MAGI3: variants seen among roughly 807,000 people sequenced by gnomAD.
The protein encoded by MAGI3 is membrane associated guanylate kinase, WW and PDZ domain containing 3, also known as membrane-associated guanylate kinase, WW and PDZ domain-containing protein 3.
Under a neutral mutation model 121.8 loss-of-function variants are expected in MAGI3, and 43 were observed. The observed-to-expected ratio is 0.35, with a 90% CI of 0.28 to 0.46. MAGI3 has a LOEUF of 0.46. MAGI3 is among the 20% of genes least tolerant of loss of function. MAGI3 has a pLI of 1.00. For missense variants in MAGI3, 1,547 were observed against 1,797.3 expected, an observed-to-expected ratio of 0.86 and a Z score of 2.52; for synonymous variants, 553 against 639.3, an observed-to-expected ratio of 0.86 and a Z score of 2.04.
intron 2 of MAGI3, among the ~76,000 whole-genome samples, chr1:113,554,153 T>C (rs1659893382): frequency 6.6e-6 from 1 of 151,858 alleles, no homozygotes; most frequent in African/African-American, 2.4e-5. Flanking sequence ...AGTCAGCTGA[T>C]AGAAAAAAGA....
chr1:113,443,050 T>C (rs1653996753), intron 1 of MAGI3, among the ~76,000 whole-genome samples: 1 of 152,218 alleles, frequency 6.6e-6, no homozygotes, highest in South Asian at 2.1e-4. Flanking sequence ...CTAATAGTTG[T>C]TGACTTAATG....
intron 2 of MAGI3, among the ~76,000 whole-genome samples, chr1:113,553,253 G>A (rs1441539209): frequency 2.0e-5 from 3 of 152,158 alleles, no homozygotes; most frequent in Admixed American, 6.5e-5. Flanking sequence ...TCCAGGCAGA[G>A]TACAATGGAC....
chr1:113,472,800 A>C (rs908030530), intron 1 of MAGI3, among the ~76,000 whole-genome samples: 1 of 151,812 alleles, frequency 6.6e-6, no homozygotes, highest in Non-Finnish European at 1.5e-5. Flanking sequence ...ATAACAGTCT[A>C]TTTTAAACTG....
intron 16 of MAGI3, among the ~76,000 whole-genome samples, chr1:113,661,886 A>T (rs1338604032): frequency 6.6e-6 from 1 of 152,156 alleles, no homozygotes; most frequent in Non-Finnish European, 1.5e-5. Context: ...TTTTTAAACT[A>T]TGAAAACATC....
chr1:113,441,191 T>C (rs749348756), intron 1 of MAGI3, among the ~76,000 whole-genome samples: 1 of 152,176 alleles, frequency 6.6e-6, no homozygotes, highest in Non-Finnish European at 1.5e-5. Flanking sequence ...TAATATCTCA[T>C]GTTGGGATTT....
chr1:113,535,641 A>C (rs1392450893), intron 1 of MAGI3, among the ~76,000 whole-genome samples: 2 of 152,188 alleles, frequency 1.3e-5, no homozygotes, highest in Non-Finnish European at 2.9e-5. Flanking sequence ...GTTAATAGAT[A>C]TTGCCATAAT....
intron 1 of MAGI3, among the ~76,000 whole-genome samples, chr1:113,470,443 C>T (rs1265427931): frequency 6.6e-6 from 1 of 152,152 alleles, no homozygotes; most frequent in Non-Finnish European, 1.5e-5. Context: ...CAGTTACACA[C>T]AACACTTCAT....
intron 1 of MAGI3, among the ~76,000 whole-genome samples, chr1:113,460,690 T>A (rs543386379): frequency 6.6e-6 from 1 of 152,056 alleles, no homozygotes; most frequent in Non-Finnish European, 1.5e-5. Context: ...GTGCCTATAG[T>A]CCCAGCTACT....
intron 4 of MAGI3, 130 bp from the exon 5 acceptor site, chr1:113,590,354 A>T: frequency 1.2e-6 from 1 of 829,718 alleles, no homozygotes; most frequent in Non-Finnish European, 1.9e-6. Context: ...TTATAGCAGA[A>T]TGTGGACATA....
chr1:113,634,886 CT>C (rs1296647904), intron 9 of MAGI3, among the ~76,000 whole-genome samples: 2 of 151,988 alleles, frequency 1.3e-5, no homozygotes, highest in African/African-American at 4.8e-5. Context: ...TCTTCCATTT[CT>C]TTGTATCCTC....
intron 1 of MAGI3, among the ~76,000 whole-genome samples, chr1:113,493,858 CA>C (rs1400530069): frequency 6.6e-6 from 1 of 151,964 alleles, no homozygotes; most frequent in Non-Finnish European, 1.5e-5. Context: ...ATTAAAAAGT[CA>C]AAAAACAACA....
At chr1:113,412,595 GT>G (rs1201107990) in intron 1 of MAGI3, among the ~76,000 whole-genome samples, 1 of 152,094 alleles carries the variant, frequency 6.6e-6, no homozygotes, top group Non-Finnish European at 1.5e-5. Flanking sequence ...TCTCATTCTG[GT>G]TTTGATTTGC....
Position 113,671,245 on chromosome 1 carries a change from T to G in MAGI3, c.2816-489T>G, listed in dbSNP as rs997597233. ...CTATAAGTTTGTCTTTGGTTCTCAG[T>G]GGCAGGCAAAATAACTGCTCCTATA... On this transcript the variant is annotated intron_variant, in intron 16 of 20. Coordinates refer to ENST00000307546, the MANE Select transcript of MAGI3 (RefSeq NM_001142782.2). Among the ~76,000 whole-genome samples, 24 of 152,216 alleles carry G rather than the reference T, an allele frequency of 1.6e-4. 1 individual carries two copies. The highest frequency in any genetic ancestry group is 4.8e-5 in the African/African-American group (2 of 41,452).
Position 113,391,069 on chromosome 1 carries a change from C to A in MAGI3, c.36C>A (p.Leu12=). 1 of 1,591,258 alleles carries A rather than the reference C, an allele frequency of 6.3e-7. No homozygotes were observed. The highest frequency in any genetic ancestry group is 2.3e-5 in the East Asian group (1 of 43,828). ...CGCTGAAGAAGAAGAAGCACTGGCT[C>A]AGCAAGGTGCAGGAGTGCGCCGTGT... The part of the protein sequence containing the change: ...SKTLKKKKHW[L]SKVQECAVSW... Residue 12 remains leucine, a synonymous_variant, in exon 1 of 21, where the codon CTC becomes CTA. Transcript: ENST00000307546. This position sits in a 1 kb window ranked among gnomAD's most constrained non-coding sequence, Gnocchi z 4.4.
intron 1 of MAGI3, among the ~76,000 whole-genome samples, chr1:113,410,273 A>G (rs1163173697): frequency 1.3e-5 from 2 of 152,048 alleles, no homozygotes; most frequent in Non-Finnish European, 2.9e-5. Flanking sequence ...CTTATATTAG[A>G]AGAAGGTCTA....
chr1:113,467,241 T>C (rs568668539), intron 1 of MAGI3, among the ~76,000 whole-genome samples: 1 of 152,316 alleles, frequency 6.6e-6, no homozygotes, highest in African/African-American at 2.4e-5. Context: ...TTCCATGTGT[T>C]TGTGCAGTTT....
intron 9 of MAGI3, among the ~76,000 whole-genome samples, chr1:113,634,416 G>A (rs1236813288): frequency 2.0e-5 from 3 of 152,186 alleles, no homozygotes; most frequent in Non-Finnish European, 2.9e-5. Flanking sequence ...TTTGTATAAG[G>A]TGTAAGGAAG....
At chr1:113,677,542 G>C (rs1647955801) in intron 19 of MAGI3, among the ~76,000 whole-genome samples, 1 of 152,146 alleles carries the variant, frequency 6.6e-6, no homozygotes, top group Non-Finnish European at 1.5e-5. Flanking sequence ...TTCATTGATA[G>C]GCAGACAGTT....
chr1:113,611,118 A>G (rs1650105976), intron 6 of MAGI3, among the ~76,000 whole-genome samples: 1 of 141,584 alleles, frequency 7.1e-6, no homozygotes, highest in Non-Finnish European at 1.5e-5. Context: ...ACAGACTCTC[A>G]CACTGTTGCC....
Sources: allele counts gnomAD v4.1 joint callset (sites outside exome capture counted in the v4.1 genomes callset), GRCh38; gene constraint gnomAD v4.1.1; non-coding constraint Gnocchi (gnomAD v3.1); transcripts MANE v1.5; gene names NCBI Gene and HGNC (gene_info 2026-07-23, HGNC 2026-07-21).